TMEM184A: variants seen among roughly 807,000 people sequenced by gnomAD.
The protein encoded by TMEM184A is sexually dimorphic, expressed in male gonads 1.
Under a neutral mutation model 39.5 loss-of-function variants are expected in TMEM184A, and 40 were observed. That is an observed-to-expected ratio of 1.01 (90% CI 0.79 to 1.32). The LOEUF (loss-of-function observed/expected upper bound fraction) is 1.32. TMEM184A is among the 40% of genes most tolerant of loss of function. TMEM184A has a pLI of 0.00. For missense variants in TMEM184A, 603 were observed against 568.8 expected (o/e 1.06, Z -0.61); for synonymous variants, 280 against 252.3 (o/e 1.11, Z -1.04).
intron 5 of TMEM184A, 77 bp downstream of exon 5, chr7:1,550,046 G>T: frequency 6.3e-7 from 1 of 1,584,356 alleles, no homozygotes; most frequent in Non-Finnish European, 8.6e-7. Flanking sequence ...GACACTGGGT[G>T]GGGTGGCGCT....
chr7:1,551,278 A>G (rs1784585180), intron 2 of TMEM184A, among the ~76,000 whole-genome samples: 1 of 93,176 alleles, frequency 1.1e-5, no homozygotes, highest in African/African-American at 4.4e-5. Context: ...TGGGCGCAGG[A>G]GGGTTCGGGT....
Position 1,548,555 on chromosome 7 carries a change from T to C in TMEM184A, c.778A>G (p.Thr260Ala), listed in dbSNP as rs770943469. Residue 260 changes from threonine to alanine, a missense_variant, in exon 7 of 9, where the codon ACC becomes GCC. By Grantham distance (58) the Thr-to-Ala change is moderately conservative. Transcript: ENST00000297477. ...RPFQPVLKFL[T>A]IKAVIFLSFW... is the part of the protein sequence containing the mutation. ...GACAGGAAGATGACGGCTTTGATGG[T>C]GAGGAACTTGAGGACGGGCTGGAAG... is the stretch of plus-strand genomic sequence containing the variant. 4 of 1,613,182 alleles carry C rather than the reference T, an allele frequency of 2.5e-6. No homozygotes were observed. The highest frequency in any genetic ancestry group is 3.4e-6 in the Non-Finnish European group (4 of 1,179,838).
intron 2 of TMEM184A, among the ~76,000 whole-genome samples, chr7:1,551,727 A>G (rs1784608756): frequency 6.6e-6 from 1 of 152,036 alleles, no homozygotes; most frequent in Admixed American, 6.5e-5. Flanking sequence ...ATTTGAGGTC[A>G]GGAGTTCAAG....
At position 1,555,272 on chromosome 7, in the gene TMEM184A, G is replaced by A. The variant is rs774931655; in HGVS notation, c.213C>T (p.Cys71=). Residue 71 remains cysteine, a synonymous_variant, in exon 2 of 9, where the codon TGC becomes TGT. Coordinates refer to ENST00000297477, the MANE Select transcript of TMEM184A (RefSeq NM_001097620.2). The surrounding 1 kb of genome is among the most constrained non-coding windows in gnomAD (Gnocchi z 5.2). ...IFVWTALVLT[C]HQIYLHLRSY... is the part of the protein sequence containing the mutation. ...CGGGGGCGGAAGGGCTTACCTGGTG[G>A]CAGGTGAGCACCAGGGCAGTCCACA... 1.2e-6 allele frequency: 2 copies of A among 1,603,028 alleles called. No homozygotes were observed. Among genetic ancestry groups the A allele is most frequent in the East Asian group, 2.2e-5 (1 of 44,624 alleles).
At chr7:1,548,885 G>T in intron 6 of TMEM184A, 197 bp from the exon 7 acceptor site, 2 of 727,950 alleles carry the variant, frequency 2.7e-6, no homozygotes, top group Non-Finnish European at 4.9e-6. Context: ...TGGCTGGGGG[G>T]CCTATGCAGG....
In TMEM184A at chr7:1,555,259, G is replaced by A. The variant is rs897785834; in HGVS notation, c.219+7C>T. 1 of 1,598,886 alleles carries A rather than the reference G, an allele frequency of 6.3e-7. No individual in the cohort carries two copies. The highest frequency in any genetic ancestry group is 8.5e-7 in the Non-Finnish European group (1 of 1,172,990). On this transcript the variant is annotated splice_region_variant and intron_variant, in intron 2 of 8. Transcript: ENST00000297477. This position sits in a 1 kb window ranked among gnomAD's most constrained non-coding sequence, Gnocchi z 5.2. ...CCTGAAGGAGGCTCGGGGGCGGAAG[G>A]GCTTACCTGGTGGCAGGTGAGCACC... is the stretch of plus-strand genomic sequence containing the variant.
At position 1,547,948 on chromosome 7, in the gene TMEM184A, G is replaced by A. The variant is rs543720933; in HGVS notation, c.815-9C>T. 3.3e-5 allele frequency: 52 copies of A among 1,556,472 alleles called. No individual in the cohort carries two copies. Among genetic ancestry groups the A allele is most frequent in the Admixed American group, 7.6e-5 (4 of 52,342 alleles). On this transcript the variant is annotated splice_polypyrimidine_tract_variant and intron_variant, in intron 7 of 8. Coordinates refer to ENST00000297477, the MANE Select transcript of TMEM184A (RefSeq NM_001097620.2). ...GATGGCCAGCAGCAGCCCTGCGGAC[G>A]CCACGGCCGCTCAGCCCCAGCCCCA... is the stretch of plus-strand genomic sequence containing the variant.
intron 2 of TMEM184A, among the ~76,000 whole-genome samples, chr7:1,553,923 G>A (rs1778441363): frequency 6.6e-6 from 1 of 152,110 alleles, no homozygotes; most frequent in Non-Finnish European, 1.5e-5. Context: ...GTCTCCATGA[G>A]CCCTGTCTTG....
chr7:1,548,823 C>T, intron 6 of TMEM184A, 135 bp from the exon 7 acceptor site: 1 of 1,065,882 alleles, frequency 9.4e-7, no homozygotes, highest in Non-Finnish European at 1.4e-6. Context: ...GGGATCCTGC[C>T]CCGATCTGAT....
At position 1,545,731 on chromosome 7, in the gene TMEM184A, C is replaced by T. The variant is rs1309192748; in HGVS notation, c.*1221G>A. ...CCTCGCCCTGGGCCAGCCGTGTGTC[C>T]TCCCAGAAGCCCCCTTAGTCCCTGG... On this transcript the variant is annotated 3_prime_UTR_variant, in exon 9 of 9. Transcript: ENST00000297477. 6.6e-6 allele frequency: 1 copy of T among 152,506 alleles called. No individual in the cohort carries two copies. The highest frequency in any genetic ancestry group is 1.5e-5 in the Non-Finnish European group (1 of 68,080). The allele number at this position is 152,506 out of a possible 1,614,324, so 9.4% of individuals were successfully genotyped here. A position where few individuals can be genotyped will look rare whatever the true frequency, so the allele number is the denominator to read the frequency against.
In TMEM184A at chr7:1,555,237, G is replaced by T; in HGVS notation, c.219+29C>A. On this transcript the variant is annotated intron_variant, in intron 2 of 8. Transcript: ENST00000297477. The surrounding 1 kb of genome is among the most constrained non-coding windows in gnomAD (Gnocchi z 5.2). The stretch of plus-strand genomic sequence containing the variant: ...CACGTCCTGTGGAGACCAAGGTCCT[G>T]AAGGAGGCTCGGGGGCGGAAGGGCT... 6.4e-7 allele frequency: 1 copy of T among 1,568,414 alleles called. No individual in the cohort carries two copies. Among genetic ancestry groups the T allele is most frequent in the African/African-American group, 1.4e-5 (1 of 74,046 alleles).
chr7:1,549,421 G>C, intron 6 of TMEM184A: 1 of 351,402 alleles, frequency 2.8e-6, no homozygotes, highest in South Asian at 1.9e-5. Flanking sequence ...GTGGACCTTG[G>C]TCCCCTTGGC....
At chr7:1,548,765 C>A in intron 6 of TMEM184A, 77 bp from the exon 7 acceptor site, 1 of 1,517,422 alleles carries the variant, frequency 6.6e-7, no homozygotes, top group Non-Finnish European at 9.0e-7. Context: ...ACCGCCGCTG[C>A]ACCCTCAGCC....
In TMEM184A at chr7:1,549,944, G is replaced by T; in HGVS notation, c.554C>A (p.Ala185Asp). ...CTTCACCAGGCAGAACTGCAGAGTG[G>T]CCTGGGGGCGACGGCACCCGGTGGG... ...SIGFLRFCKQATLQFCLVKPV... is the reference protein window; with the variant it reads ...SIGFLRFCKQDTLQFCLVKPV... The change falls in exon 6 of 9, where the codon GCC becomes GAC. Residue 185 changes from alanine to aspartate, a missense_variant and splice_region_variant. Transcript: ENST00000297477. 2 of 1,612,654 alleles carry T rather than the reference G, an allele frequency of 1.2e-6. No homozygotes were observed. Among genetic ancestry groups the T allele is most frequent in the South Asian group, 2.2e-5 (2 of 91,010 alleles).
In TMEM184A at chr7:1,550,187, A is replaced by AC; in HGVS notation, c.487_488insG (p.Leu163CysfsTer21). 1 of 1,608,696 alleles carries AC rather than the reference A, an allele frequency of 6.2e-7. No individual in the cohort carries two copies. On this transcript the variant is annotated frameshift_variant, in exon 5 of 9. Transcript: ENST00000297477. LOFTEE classifies it high-confidence loss of function. ...GCCCCGGAGGCAGCAGGTGCCGTAC[A>AC]AGCAGCTGGACCTGCGGGGGACGTC...
chr7:1,549,776 C>T, intron 6 of TMEM184A, 78 bp downstream of exon 6: 1 of 1,368,014 alleles, frequency 7.3e-7, no homozygotes, highest in South Asian at 1.4e-5. Context: ...CCAAGTCCGC[C>T]TCGTTGGGCC....
chr7:1,551,025 A>G, intron 2 of TMEM184A, 43 bp from the exon 3 acceptor site: 1 of 1,409,184 alleles, frequency 7.1e-7, no homozygotes, highest in Non-Finnish European at 9.5e-7. Flanking sequence ...CCCGCCTGGT[A>G]CCCCTGGACC....
rs879873978 is a variant in TMEM184A at position 1,543,803 on chromosome 7, A to AT, written c.*3148dup. The AT allele has an allele frequency of 1.6e-3, 241 of 148,162 alleles. No homozygotes were observed. Among genetic ancestry groups the AT allele is most frequent in the African/African-American group, 5.3e-3 (214 of 40,408 alleles). The allele number at this position is 148,162 out of a possible 1,614,324, so 9.2% of individuals were successfully genotyped here. A position where few individuals can be genotyped will look rare whatever the true frequency, so the allele number is the denominator to read the frequency against. ...ACCACCACGCCCAGCTAATTTTTGT[A>AT]TTTTTTTTTTGTAGAGATGGGGTTT... On this transcript the variant is annotated 3_prime_UTR_variant, in exon 9 of 9. Coordinates refer to ENST00000297477, the MANE Select transcript of TMEM184A (RefSeq NM_001097620.2).
chr7:1,552,184 C>T (rs553150488), intron 2 of TMEM184A, among the ~76,000 whole-genome samples: 1 of 152,182 alleles, frequency 6.6e-6, no homozygotes, highest in South Asian at 2.1e-4. Context: ...CACTGTGTTG[C>T]CCAGGCTGGT....
Sources: gnomAD v4.1 joint callset for allele counts (sites outside exome capture counted in the v4.1 genomes callset) on GRCh38, gnomAD v4.1.1 for gene constraint, Gnocchi (gnomAD v3.1) non-coding constraint, MANE v1.5 for transcripts, NCBI Gene and HGNC (gene_info 2026-07-23, HGNC 2026-07-21) for gene names.